DNTT: variants seen among roughly 807,000 people sequenced by gnomAD.
The protein encoded by DNTT is nucleosidetriphosphate:DNA deoxynucleotidylexotransferase.
Under a neutral mutation model 60.9 loss-of-function variants are expected in DNTT, and 47 were observed. The observed-to-expected ratio is 0.77, with a 90% CI of 0.61 to 0.98. The LOEUF (loss-of-function observed/expected upper bound fraction) is 0.98, where lower values mean the gene tolerates loss of function less well. Ranked by LOEUF, DNTT falls within the 50% of genes least tolerant of loss-of-function variation. The probability of loss-of-function intolerance (pLI) is 0.00; values close to 1 mark genes in which losing one functional copy is unlikely to be tolerated. For missense variants in DNTT, 665 were observed against 627.5 expected, an observed-to-expected ratio of 1.06 and a Z score of -0.64; for synonymous variants, 224 against 221.2, an observed-to-expected ratio of 1.01 and a Z score of -0.11.
At chr10:96,330,003 TAG>T (rs1844987756) in intron 8 of DNTT, among the ~76,000 whole-genome samples, 1 of 152,034 alleles carries the variant, frequency 6.6e-6, no homozygotes, top group African/African-American at 2.4e-5. Flanking sequence ...CAGTGTCCAG[TAG>T]GAAAAATAAA....
chr10:96,314,054 T>C (rs751416737), intron 1 of DNTT, among the ~76,000 whole-genome samples: 4 of 152,244 alleles, frequency 2.6e-5, no homozygotes, highest in Non-Finnish European at 5.9e-5. Context: ...CTACATGTCC[T>C]GTAGTCTAGT....
chr10:96,328,220 T>C (rs1404390826), intron 7 of DNTT, among the ~76,000 whole-genome samples: 2 of 152,198 alleles, frequency 1.3e-5, no homozygotes, highest in Non-Finnish European at 2.9e-5. Flanking sequence ...GGGATTTCTT[T>C]CCTCCCACAG....
At chr10:96,315,234 CTTTT>C (rs11298506) in intron 1 of DNTT, among the ~76,000 whole-genome samples, 4 of 147,340 alleles carry the variant, frequency 2.7e-5, no homozygotes, top group Admixed American at 1.3e-4. Context: ...ACCAATGCTT[CTTTT>C]TTTTTTTTTT....
intron 7 of DNTT, among the ~76,000 whole-genome samples, chr10:96,328,290 T>C (rs541949832): frequency 6.6e-6 from 1 of 152,242 alleles, no homozygotes; most frequent in East Asian, 1.9e-4. Flanking sequence ...CCTAACAAAA[T>C]AGGTTTGGGG....
At chr10:96,314,483 A>G (rs1002890904) in intron 1 of DNTT, among the ~76,000 whole-genome samples, 1 of 130,554 alleles carries the variant, frequency 7.7e-6, no homozygotes, top group African/African-American at 2.8e-5. Context: ...CACAATCTCA[A>G]CTCACTGCAA....
intron 6 of DNTT, among the ~76,000 whole-genome samples, chr10:96,327,203 T>C (rs1441792982): frequency 6.6e-6 from 1 of 152,162 alleles, no homozygotes; most frequent in Non-Finnish European, 1.5e-5. Flanking sequence ...ATCTGAACAG[T>C]TTGGATTCCA....
At chr10:96,306,714 G>A (rs1400428796) in intron 1 of DNTT, 1 of 152,190 alleles carries the variant, frequency 6.6e-6, no homozygotes, top group Non-Finnish European at 1.5e-5. Flanking sequence ...CTGCTCAGGC[G>A]GCGGAGGAAG....
At chr10:96,332,320 C>T in intron 8 of DNTT, 31 bp from the exon 9 acceptor site, 1 of 1,605,354 alleles carries the variant, frequency 6.2e-7, no homozygotes, top group South Asian at 1.1e-5. Flanking sequence ...TCATCAGGGC[C>T]TTTTCCTGAT....
At chr10:96,336,192 A>G (rs1261886290) in intron 10 of DNTT, among the ~76,000 whole-genome samples, 1 of 152,346 alleles carries the variant, frequency 6.6e-6, no homozygotes, top group East Asian at 1.9e-4. Context: ...TGGCTGAAAC[A>G]TGATGAGCTA....
At chr10:96,334,796 C>G (rs1845048302) in intron 9 of DNTT, among the ~76,000 whole-genome samples, 1 of 152,294 alleles carries the variant, frequency 6.6e-6, no homozygotes, top group East Asian at 1.9e-4. Flanking sequence ...GGGGAACGTT[C>G]CAGAAAGAAG....
At chr10:96,331,254 CT>C (rs1845003188) in intron 8 of DNTT, among the ~76,000 whole-genome samples, 1 of 152,328 alleles carries the variant, frequency 6.6e-6, no homozygotes, top group Admixed American at 6.5e-5. Flanking sequence ...AGCCACAACG[CT>C]TTTGGCTGGT....
At position 96,304,757 on chromosome 10, in the gene DNTT, T is replaced by TG. The variant is rs1317955152; in HGVS notation, c.203+60dup. The TG allele has an allele frequency of 3.2e-6, 5 of 1,565,482 alleles. No homozygotes were observed. The East Asian group carries it at 1.1e-4, about 36-fold the overall frequency. On this transcript the variant is annotated intron_variant, in intron 1 of 10. Coordinates refer to ENST00000371174, the MANE Select transcript of DNTT (RefSeq NM_004088.4). Reference sequence around the variant, plus strand: ...AGCAGAGGCTTTGTGAACAGCTTCTTGGGAACCCAAGGAACCTGTGTTTTC... The same window carrying TG: ...AGCAGAGGCTTTGTGAACAGCTTCTTGGGGAACCCAAGGAACCTGTGTTTTC...
At chr10:96,336,365 T>C (rs964224311) in intron 10 of DNTT, among the ~76,000 whole-genome samples, 4 of 152,120 alleles carry the variant, frequency 2.6e-5, no homozygotes, top group East Asian at 1.9e-4. Flanking sequence ...TGAGTGGCCA[T>C]GTAGGCCATT....
At chr10:96,325,262 A>AT (rs1844926572) in intron 6 of DNTT, among the ~76,000 whole-genome samples, 1 of 152,224 alleles carries the variant, frequency 6.6e-6, no homozygotes, top group South Asian at 2.1e-4. Flanking sequence ...TCTTTGAAAG[A>AT]TTGCTAATAA....
chr10:96,319,176 C>A, intron 2 of DNTT, 86 bp from the exon 3 acceptor site: 1 of 1,470,860 alleles, frequency 6.8e-7, no homozygotes. Context: ...CCTCCAACTA[C>A]AGACAACTAC....
chr10:96,327,583 G>A lies in DNTT; in HGVS notation c.990G>A (p.Met330Ile). The change falls in exon 7 of 11, where the codon ATG becomes ATA. Residue 330 changes from methionine (M) to isoleucine (I), a missense_variant. Coordinates refer to ENST00000371174, the MANE Select transcript of DNTT (RefSeq NM_004088.4). ...WAFLPDAFVT[M>I]TGGFRRGKKM... ...TTCTTCCGGATGCTTTCGTCACCAT[G>A]ACAGGAGGGTTCCGGAGGTAAATAA... The A allele has an allele frequency of 6.2e-7, 1 of 1,613,790 alleles. No homozygotes were observed. The highest frequency in any genetic ancestry group is 8.5e-7 in the Non-Finnish European group (1 of 1,179,900).
chr10:96,315,228 A>G (rs1331185033), intron 1 of DNTT, among the ~76,000 whole-genome samples: 1 of 63,960 alleles, frequency 1.6e-5, no homozygotes, highest in Non-Finnish European at 3.0e-5. Context: ...TTGAAGACCA[A>G]TGCTTCTTTT....
chr10:96,327,682 A>C, intron 7 of DNTT, 82 bp downstream of exon 7: 1 of 1,535,010 alleles, frequency 6.5e-7, no homozygotes, highest in East Asian at 2.3e-5. Flanking sequence ...GAAACGGCAC[A>C]AAAGGCTGTG....
intron 6 of DNTT, among the ~76,000 whole-genome samples, chr10:96,324,814 T>G (rs1207786250): frequency 6.6e-6 from 1 of 152,170 alleles, no homozygotes; most frequent in African/African-American, 2.4e-5. Flanking sequence ...GTAAGAGTTG[T>G]GGGTGAAGAG....
Sources: allele counts gnomAD v4.1 joint callset (sites outside exome capture counted in the v4.1 genomes callset), GRCh38; gene constraint gnomAD v4.1.1; transcripts MANE v1.5; gene names NCBI Gene and HGNC (gene_info 2026-07-23, HGNC 2026-07-21).